The following PAM variants were observed in gnomAD, a reference collection of about 807,000 sequenced individuals.
PAM encodes peptidylglycine alpha-amidating monooxygenase.
PAM carries 72 observed loss-of-function variants against 122.1 expected under a neutral mutation model. That is an observed-to-expected ratio of 0.59 (90% confidence interval 0.49 to 0.72). The LOEUF is 0.72. Ranked by LOEUF, PAM falls within the 30% of genes least tolerant of loss-of-function variation. The pLI is 0.00. For synonymous variants in PAM, 389 were observed against 404.4 expected (o/e 0.96, Z 0.46); for missense variants, 1,106 against 1,183.7 (o/e 0.93, Z 0.96).
chr5:102,805,766 C>G (rs948281433), intron 1 of PAM, among the ~76,000 whole-genome samples: 10 of 152,154 alleles, frequency 6.6e-5, no homozygotes, highest in African/African-American at 2.4e-4. Flanking sequence ...AAATAGAACA[C>G]TAACTAGTAC....
At chr5:102,947,156 A>G (rs1247225381) in intron 8 of PAM, among the ~76,000 whole-genome samples, 1 of 152,138 alleles carries the variant, frequency 6.6e-6, no homozygotes, top group African/African-American at 2.4e-5. Flanking sequence ...GCCACTTCCA[A>G]CATCACTCAC....
rs570410222 is a variant in PAM at position 103,025,442 on chromosome 5, G to A, written c.2689+108G>A. On this transcript the variant is annotated intron_variant, in intron 24 of 25. Transcript: ENST00000438793. ...TTTTTTTCACTGTATTTGTTTTTTTGTTTTTAATGCTCTCTACCATTTTTG... is the reference window on the plus strand; with the variant it reads ...TTTTTTTCACTGTATTTGTTTTTTTATTTTTAATGCTCTCTACCATTTTTG... The A allele has an allele frequency of 2.4e-4, 216 of 881,728 alleles. No individual in the cohort carries two copies. In the African/African-American group the frequency reaches 3.0e-3, roughly 12 times the overall value. The allele number at this position is 881,728 out of a possible 1,614,324, so 54.6% of individuals were successfully genotyped here. A position where few individuals can be genotyped will look rare whatever the true frequency, so the allele number is the denominator to read the frequency against.
Position 103,025,229 on chromosome 5 carries a change from T to G in PAM, c.2584T>G (p.Ser862Ala). The G allele has an allele frequency of 3.7e-6, 6 of 1,613,296 alleles. No individual in the cohort carries two copies. The highest frequency in any genetic ancestry group is 1.3e-5 in the African/African-American group (1 of 74,986). Reference sequence around the variant, plus strand: ...ACAGAAACTGATCAAAGAGCCAGGCTCGGGAGTGCCTGTTGTTCTCATTAC... The same window carrying G: ...ACAGAAACTGATCAAAGAGCCAGGCGCGGGAGTGCCTGTTGTTCTCATTAC... ...EKQKLIKEPGSGVPVVLITTL... is the reference protein window; with the variant it reads ...EKQKLIKEPGAGVPVVLITTL... Residue 862 changes from serine (S) to alanine (A), a missense_variant, in exon 24 of 26, where the codon TCG becomes GCG. By Grantham distance (99) the Ser-to-Ala change is moderately conservative. Transcript: ENST00000438793.
intron 1 of PAM, among the ~76,000 whole-genome samples, chr5:102,861,314 T>C (rs1489263588): frequency 1.3e-5 from 2 of 152,208 alleles, no homozygotes; most frequent in Non-Finnish European, 2.9e-5. Context: ...GATAATTAGA[T>C]ATGCAGCAAT....
chr5:102,773,835 G>A (rs138536658), intron 1 of PAM, among the ~76,000 whole-genome samples: 11 of 152,102 alleles, frequency 7.2e-5, no homozygotes, highest in African/African-American at 2.7e-4. Flanking sequence ...CAGGTATTAA[G>A]CCCAGTACAT....
intron 21 of PAM, among the ~76,000 whole-genome samples, chr5:103,011,402 TCTCTC>T (rs1780597179): frequency 7.1e-6 from 1 of 140,850 alleles, no homozygotes; most frequent in African/African-American, 2.7e-5. Flanking sequence ...ACACACACAC[TCTCTC>T]TCTCTGTCCC....
intron 17 of PAM, 51 bp downstream of exon 17, chr5:103,003,200 T>C (rs1777932260): frequency 2.4e-6 from 2 of 851,036 alleles, no homozygotes; most frequent in Non-Finnish European, 4.1e-6. Context: ...ATATTGAGTA[T>C]AAAGTGTATC....
chr5:102,802,274 T>G (rs1448530857), intron 1 of PAM, among the ~76,000 whole-genome samples: 1 of 152,192 alleles, frequency 6.6e-6, no homozygotes, highest in African/African-American at 2.4e-5. Context: ...ATTCCTTTGA[T>G]TTTTAGATTC....
At chr5:102,812,496 A>T (rs111688669) in intron 1 of PAM, among the ~76,000 whole-genome samples, 2,170 of 152,192 alleles carry the variant, frequency 0.014, 45 homozygotes, top group African/African-American at 0.05. Flanking sequence ...AAGAAAACCA[A>T]CTGTTTTCCT....
intron 1 of PAM, among the ~76,000 whole-genome samples, chr5:102,768,350 C>T (rs1754726911): frequency 6.6e-6 from 1 of 151,956 alleles, no homozygotes. Flanking sequence ...GTGTTACGAC[C>T]TAATTGTACA....
At chr5:103,026,487 A>G (rs781458932) in intron 24 of PAM, among the ~76,000 whole-genome samples, 1 of 152,182 alleles carries the variant, frequency 6.6e-6, no homozygotes, top group Non-Finnish European at 1.5e-5. Context: ...ATAAATCTCT[A>G]TAAAAATATA....
chr5:102,829,378 T>G (rs442198), intron 1 of PAM, among the ~76,000 whole-genome samples: 102,465 of 147,452 alleles, frequency 0.69, 35,910 homozygotes, highest in South Asian at 0.82. Context: ...TTTTTTTTTT[T>G]TTTTTTTTTT....
At chr5:102,933,944 T>C (rs1165939600) in intron 7 of PAM, among the ~76,000 whole-genome samples, 1 of 152,148 alleles carries the variant, frequency 6.6e-6, no homozygotes, top group African/African-American at 2.4e-5. Context: ...CTGGATCAGA[T>C]TGCTCCCTGT....
intron 1 of PAM, among the ~76,000 whole-genome samples, chr5:102,847,095 G>A (rs1025008446): frequency 1.3e-4 from 19 of 151,920 alleles, no homozygotes; most frequent in Admixed American, 1.0e-3. Flanking sequence ...TCTTTCTCCC[G>A]AGTCCCATTT....
At chr5:102,958,633 G>T (rs1761553076) in intron 12 of PAM, among the ~76,000 whole-genome samples, 1 of 152,176 alleles carries the variant, frequency 6.6e-6, no homozygotes, top group African/African-American at 2.4e-5. Flanking sequence ...ATCAGATTCA[G>T]AGAGTAAGAA....
intron 7 of PAM, among the ~76,000 whole-genome samples, chr5:102,937,030 A>G (rs1404265763): frequency 2.0e-5 from 3 of 152,222 alleles, no homozygotes; most frequent in South Asian, 2.1e-4. Context: ...CTTTGAAAGA[A>G]GAAAATGCAT....
chr5:102,863,464 A>C (rs963763321), intron 1 of PAM, among the ~76,000 whole-genome samples: 2 of 151,960 alleles, frequency 1.3e-5, no homozygotes, highest in Admixed American at 1.3e-4. Flanking sequence ...CAAAATTCTG[A>C]GTCTCTTTTT....
intron 4 of PAM, among the ~76,000 whole-genome samples, chr5:102,904,378 A>T (rs72783880): frequency 0.011 from 1,614 of 151,588 alleles, 9 homozygotes; most frequent in Non-Finnish European, 0.018. Flanking sequence ...AAATTTTTGT[A>T]TTCCAGCAGG....
intron 11 of PAM, 48 bp from the exon 12 acceptor site, chr5:102,950,669 G>T: frequency 8.8e-7 from 1 of 1,134,024 alleles, no homozygotes. Flanking sequence ...TGTAGTTCTG[G>T]ATTTTATTGG....
Sources: allele counts gnomAD v4.1 joint callset (sites outside exome capture counted in the v4.1 genomes callset), GRCh38; gene constraint gnomAD v4.1.1; transcripts MANE v1.5; gene names NCBI Gene and HGNC (gene_info 2026-07-23, HGNC 2026-07-21).